JADE1: variants seen among roughly 807,000 people sequenced by gnomAD.
JADE1 encodes protein Jade-1.
JADE1 carries 14 observed loss-of-function variants against 81.8 expected under a neutral mutation model. The observed-to-expected ratio is 0.17, with a 90% CI of 0.11 to 0.27. The LOEUF is 0.27. JADE1 is among the 10% of genes least tolerant of loss of function. The pLI is 1.00. For missense variants in JADE1, 690 were observed against 1,047.9 expected, an observed-to-expected ratio of 0.66 and a Z score of 4.71; for synonymous variants, 353 against 391.9, an observed-to-expected ratio of 0.90 and a Z score of 1.17.
intron 2 of JADE1, among the ~76,000 whole-genome samples, chr4:128,833,693 C>CAAAAAAAAAAAAAAAAAAA (rs1728741014): frequency 6.6e-6 from 1 of 151,798 alleles, no homozygotes; most frequent in Admixed American, 6.6e-5. Context: ...GACTCCGTCT[C>CAAAAAAAAAAAAAAAAAAA]GAAAAAAAAT....
chr4:128,811,867 TGGGGGC>T (rs1282603642), intron 1 of JADE1: 7 of 151,878 alleles, frequency 4.6e-5, no homozygotes, highest in African/African-American at 1.7e-4. Context: ...CAGAACTGTC[TGGGGGC>T]GGGAGCGGGA....
intron 3 of JADE1, among the ~76,000 whole-genome samples, chr4:128,844,365 C>T (rs1729693238): frequency 6.6e-6 from 1 of 152,166 alleles, no homozygotes; most frequent in African/African-American, 2.4e-5. Context: ...ATGTTTTTCT[C>T]AACCCTGAGT....
At chr4:128,833,702 A>G (rs890203538) in intron 2 of JADE1, among the ~76,000 whole-genome samples, 4 of 152,200 alleles carry the variant, frequency 2.6e-5, no homozygotes, top group African/African-American at 9.6e-5. Context: ...TCGAAAAAAA[A>G]TTCTTGCTTT....
At chr4:128,825,726 A>G (rs1406264145) in intron 1 of JADE1, among the ~76,000 whole-genome samples, 1 of 152,170 alleles carries the variant, frequency 6.6e-6, no homozygotes, top group Non-Finnish European at 1.5e-5. Context: ...TCTGACGTCT[A>G]CCTTGATAAA....
In JADE1 at chr4:128,873,264, A is replaced by G. The variant is rs1348896176; in HGVS notation, c.*1002A>G. The G allele has an allele frequency of 6.7e-6, 1 of 149,550 alleles. No homozygotes were observed. Among genetic ancestry groups the G allele is most frequent in the Non-Finnish European group, 1.5e-5 (1 of 67,378 alleles). 9.3% of individuals were successfully genotyped at this position (149,550 alleles called of 1,614,324 possible). On this transcript the variant is annotated 3_prime_UTR_variant, in exon 11 of 11. Transcript: ENST00000226319. ...GATTCCTTAAGAAAAAGGAAAAAAA[A>G]AAAAAAAAGAAAAAAAGAAAAAAAA...
chr4:128,851,337 G>A (rs1308985636), intron 5 of JADE1, among the ~76,000 whole-genome samples: 3 of 152,152 alleles, frequency 2.0e-5, no homozygotes, highest in Non-Finnish European at 2.9e-5. Flanking sequence ...TGTTTTGAGA[G>A]AACTGTTTTA....
chr4:128,851,037 T>C (rs796703238), intron 5 of JADE1, among the ~76,000 whole-genome samples: 41 of 152,292 alleles, frequency 2.7e-4, no homozygotes, highest in African/African-American at 7.2e-4. Flanking sequence ...TTCAAGCGAT[T>C]CTCCTGCCCC....
intron 1 of JADE1, among the ~76,000 whole-genome samples, chr4:128,830,299 T>G (rs1728439782): frequency 6.6e-6 from 1 of 151,158 alleles, no homozygotes; most frequent in South Asian, 2.1e-4. Context: ...AGTGGTGTGA[T>G]CTCGGCTCAC....
At chr4:128,854,672 A>G (rs1730645750) in intron 6 of JADE1, among the ~76,000 whole-genome samples, 1 of 152,214 alleles carries the variant, frequency 6.6e-6, no homozygotes, top group African/African-American at 2.4e-5. Context: ...GAGCTATGCT[A>G]CTGTGACTCT....
chr4:128,830,617 A>G (rs368656908), intron 1 of JADE1, among the ~76,000 whole-genome samples: 2 of 152,184 alleles, frequency 1.3e-5, no homozygotes, highest in Non-Finnish European at 2.9e-5. Flanking sequence ...GAGAGGGTGG[A>G]TGGGTAGGTA....
chr4:128,853,158 G>C (rs1414840796), intron 6 of JADE1, among the ~76,000 whole-genome samples: 2 of 152,126 alleles, frequency 1.3e-5, no homozygotes, highest in African/African-American at 4.8e-5. Flanking sequence ...TTACAGGTGT[G>C]AGGCACCGTG....
intron 8 of JADE1, among the ~76,000 whole-genome samples, chr4:128,859,471 A>G (rs866858328): frequency 2.0e-5 from 3 of 150,992 alleles, no homozygotes; most frequent in East Asian, 1.9e-4. Context: ...GAGTATGCAC[A>G]TGAGTATGCA....
At chr4:128,821,783 A>G (rs1391084210) in intron 1 of JADE1, among the ~76,000 whole-genome samples, 1 of 152,052 alleles carries the variant, frequency 6.6e-6, no homozygotes, top group Non-Finnish European at 1.5e-5. Flanking sequence ...CGGCCTCCCA[A>G]AGTGCTGGGA....
chr4:128,826,616 C>T (rs1282705044), intron 1 of JADE1, among the ~76,000 whole-genome samples: 1 of 151,766 alleles, frequency 6.6e-6, no homozygotes, highest in Non-Finnish European at 1.5e-5. Context: ...ATAGTGGCTC[C>T]TCTCTATCTA....
chr4:128,870,338 C>A (rs1201689832), intron 10 of JADE1, among the ~76,000 whole-genome samples: 2 of 151,860 alleles, frequency 1.3e-5, no homozygotes, highest in Non-Finnish European at 2.9e-5. Flanking sequence ...GCACTAGGTT[C>A]TCATATGGCC....
intron 10 of JADE1, among the ~76,000 whole-genome samples, chr4:128,868,394 A>G (rs1465482921): frequency 6.6e-6 from 1 of 152,208 alleles, no homozygotes. Flanking sequence ...CATGGTAAAT[A>G]TGGTCAATAT....
intron 1 of JADE1, among the ~76,000 whole-genome samples, chr4:128,820,216 A>G (rs1053500793): frequency 2.6e-5 from 4 of 151,852 alleles, no homozygotes; most frequent in East Asian, 1.9e-4. Context: ...GGTTCATGCA[A>G]TTCTCCTGCT....
chr4:128,850,663 T>G (rs189699899), intron 5 of JADE1, among the ~76,000 whole-genome samples: 1 of 152,294 alleles, frequency 6.6e-6, no homozygotes, highest in Admixed American at 6.5e-5. Context: ...AATACTAAAT[T>G]TTAGCTTCAC....
intron 1 of JADE1, 115 bp from the exon 2 acceptor site, chr4:128,831,618 A>G (rs926213437): frequency 3.3e-5 from 27 of 810,556 alleles, no homozygotes; most frequent in Non-Finnish European, 5.0e-5. Context: ...TTCAAATGCT[A>G]CTTAAAGCCA....
Sources: allele counts gnomAD v4.1 joint callset (sites outside exome capture counted in the v4.1 genomes callset), GRCh38; gene constraint gnomAD v4.1.1; transcripts MANE v1.5; gene names NCBI Gene and HGNC (gene_info 2026-07-23, HGNC 2026-07-21).